The following NHS variants were observed in gnomAD, a reference collection of about 807,000 sequenced individuals.
NHS encodes actin remodeling regulator NHS.
In NHS, 5 loss-of-function variants were observed where a neutral mutation model predicts 72.5. That is an observed-to-expected ratio of 0.07 (90% confidence interval 0.04 to 0.14). The LOEUF is 0.14. Among genes scored for constraint, NHS ranks in the 10% least tolerant of loss-of-function variants. The probability of loss-of-function intolerance (pLI) is 1.00; values close to 1 mark genes in which losing one functional copy is unlikely to be tolerated. For missense variants in NHS, 1,072 were observed against 1,355.7 expected (o/e 0.79, Z 3.29); for synonymous variants, 464 against 547.7 (o/e 0.85, Z 2.13).
chrX:17,483,621 T>C (rs1227565019), intron 1 of NHS, among the ~76,000 whole-genome samples: 2 of 111,654 alleles, frequency 1.8e-5, no homozygotes, highest in Non-Finnish European at 3.8e-5. Context: ...TCCAGCAATG[T>C]CGGAGTTCTT....
chrX:17,569,128 G>A (rs1204141458), intron 1 of NHS, among the ~76,000 whole-genome samples: 3 of 111,665 alleles, frequency 2.7e-5, no homozygotes, highest in Non-Finnish European at 3.8e-5. Flanking sequence ...ATAAACATAC[G>A]TGTGCATGTG....
intron 1 of NHS, among the ~76,000 whole-genome samples, chrX:17,425,521 C>CAAAA (rs2064649440): frequency 4.3e-5 from 1 of 23,259 alleles, no homozygotes; most frequent in African/African-American, 1.6e-4. Flanking sequence ...CTCTTCTCAG[C>CAAAA]CAAAAAAAAA....
chrX:17,711,320 G>A (rs1221494965), intron 3 of NHS, among the ~76,000 whole-genome samples: 2 of 111,241 alleles, frequency 1.8e-5, no homozygotes, highest in Non-Finnish European at 3.8e-5. Flanking sequence ...GCAATTCCTG[G>A]GAATAAATGA....
intron 1 of NHS, among the ~76,000 whole-genome samples, chrX:17,585,109 C>T (rs912343014): frequency 2.7e-5 from 3 of 111,978 alleles, no homozygotes; most frequent in Non-Finnish European, 3.8e-5. Flanking sequence ...AGGCATGAGC[C>T]ACCGTGCCTG....
chrX:17,387,603 AG>A (rs750252679), intron 1 of NHS, among the ~76,000 whole-genome samples: 10 of 112,187 alleles, frequency 8.9e-5, no homozygotes, highest in African/African-American at 3.2e-4. Context: ...GCATTTGCTG[AG>A]GCTCAGTTTG....
At chrX:17,536,269 G>T (rs1333249152) in intron 1 of NHS, among the ~76,000 whole-genome samples, 3 of 112,395 alleles carry the variant, frequency 2.7e-5, no homozygotes, top group Non-Finnish European at 5.6e-5. Flanking sequence ...GCAGGAGAAT[G>T]GTGGGAACCT....
At chrX:17,458,589 T>C (rs754057881) in intron 1 of NHS, among the ~76,000 whole-genome samples, 2 of 110,188 alleles carry the variant, frequency 1.8e-5, no homozygotes, top group South Asian at 7.9e-4. Context: ...GCCTCCCGGG[T>C]TCAAGCAATT....
intron 1 of NHS, among the ~76,000 whole-genome samples, chrX:17,415,785 A>G (rs2064590916): frequency 8.9e-6 from 1 of 111,845 alleles, no homozygotes. Context: ...GGATATTGTA[A>G]TAATCGATGT....
At chrX:17,621,788 G>A (rs1601805080) in intron 1 of NHS, among the ~76,000 whole-genome samples, 1 of 111,806 alleles carries the variant, frequency 8.9e-6, no homozygotes, top group African/African-American at 3.2e-5. Flanking sequence ...GCAGGCTGCC[G>A]CTGGAGCCTG....
chrX:17,605,628 C>A (rs1030137613), intron 1 of NHS, among the ~76,000 whole-genome samples: 15 of 110,871 alleles, frequency 1.4e-4, no homozygotes, highest in Admixed American at 5.7e-4. Context: ...CCCTATCCCC[C>A]ATCCTAAGCA....
intron 1 of NHS, among the ~76,000 whole-genome samples, chrX:17,482,879 A>G (rs772744422): frequency 8.9e-6 from 1 of 112,315 alleles, no homozygotes; most frequent in African/African-American, 3.2e-5. Flanking sequence ...ATAGAATTAG[A>G]GAGTAGAATG....
intron 1 of NHS, among the ~76,000 whole-genome samples, chrX:17,580,034 G>A (rs1391827914): frequency 9.1e-6 from 1 of 110,339 alleles, no homozygotes; most frequent in Non-Finnish European, 1.9e-5. Context: ...TTTCTTTCTG[G>A]CCTTCCTAGA....
At chrX:17,476,206 G>A (rs933445846) in intron 1 of NHS, among the ~76,000 whole-genome samples, 2 of 111,764 alleles carry the variant, frequency 1.8e-5, no homozygotes, top group African/African-American at 6.5e-5. Flanking sequence ...AAGAAGCAGT[G>A]CAGCTTTTGT....
chrX:17,438,988 T>A (rs1474934102), intron 1 of NHS, among the ~76,000 whole-genome samples: 1 of 109,333 alleles, frequency 9.1e-6, no homozygotes, highest in East Asian at 2.9e-4. Flanking sequence ...CACTGACACC[T>A]CTCTAGGGAC....
intron 1 of NHS, among the ~76,000 whole-genome samples, chrX:17,601,149 A>T (rs1210782017): frequency 1.8e-5 from 2 of 111,562 alleles, no homozygotes; most frequent in Non-Finnish European, 3.8e-5. Context: ...ATTGGAGGGG[A>T]TGGTGGCAAT....
intron 1 of NHS, among the ~76,000 whole-genome samples, chrX:17,669,816 C>T (rs1003635111): frequency 1.8e-5 from 2 of 111,885 alleles, no homozygotes; most frequent in Non-Finnish European, 3.8e-5. Flanking sequence ...TTTTGGGGAC[C>T]TATTCAAGTA....
chrX:17,567,841 G>C (rs932024049), intron 1 of NHS, among the ~76,000 whole-genome samples: 1 of 110,509 alleles, frequency 9.0e-6, no homozygotes, highest in Non-Finnish European at 1.9e-5. Flanking sequence ...AAGGGAAAAA[G>C]AAAGAGGGAG....
At chrX:17,457,105 G>A (rs975481866) in intron 1 of NHS, among the ~76,000 whole-genome samples, 1 of 112,119 alleles carries the variant, frequency 8.9e-6, no homozygotes, top group Non-Finnish European at 1.9e-5. Context: ...TGTGTATCAA[G>A]TGCTGTTTTA....
chrX:17,536,356 A>G (rs1413896364), intron 1 of NHS, among the ~76,000 whole-genome samples: 6 of 111,984 alleles, frequency 5.4e-5, no homozygotes, highest in Non-Finnish European at 7.6e-5. Context: ...CTCCGTCTCA[A>G]AAAAACAAAC....
Sources: gnomAD v4.1 joint callset for allele counts (sites outside exome capture counted in the v4.1 genomes callset) on GRCh38, gnomAD v4.1.1 for gene constraint, MANE v1.5 for transcripts, NCBI Gene and HGNC (gene_info 2026-07-23, HGNC 2026-07-21) for gene names.